Variants in LMTK2 observed in about 807,000 individuals in gnomAD.
LMTK2 encodes lemur tail kinase 2, also known as serine/threonine-protein kinase LMTK2.
Under a neutral mutation model 127.5 loss-of-function variants are expected in LMTK2, and 37 were observed. The ratio of observed to expected loss-of-function variants is 0.29; its 90% CI spans 0.22 to 0.38. The LOEUF (loss-of-function observed/expected upper bound fraction) is 0.38, where lower values mean the gene tolerates loss of function less well. Ranked by LOEUF, LMTK2 falls within the 10% of genes least tolerant of loss-of-function variation. LMTK2 has a pLI of 1.00. For missense variants in LMTK2, 1,694 were observed against 1,920.3 expected, an observed-to-expected ratio of 0.88 and a Z score of 2.20; for synonymous variants, 819 against 810.1, an observed-to-expected ratio of 1.01 and a Z score of -0.19.
At chr7:98,186,819 TTGA>T in intron 8 of LMTK2, 55 bp from the exon 9 acceptor site, 1 of 1,500,158 alleles carries the variant, frequency 6.7e-7, no homozygotes, top group South Asian at 1.2e-5. Context: ...ATTTAAATTC[TTGA>T]ACTCACCAAA....
chr7:98,203,198 C>T (rs1026983812), intron 11 of LMTK2, among the ~76,000 whole-genome samples: 1 of 152,252 alleles, frequency 6.6e-6, no homozygotes, highest in Non-Finnish European at 1.5e-5. Flanking sequence ...TCCTGGAGCA[C>T]TGTGTCCAGG....
At chr7:98,145,528 GGT>G (rs1214570723) in intron 3 of LMTK2, among the ~76,000 whole-genome samples, 1 of 152,006 alleles carries the variant, frequency 6.6e-6, no homozygotes, top group Non-Finnish European at 1.5e-5. Flanking sequence ...TTTTGAGGAT[GGT>G]GTTAGGAGGA....
intron 7 of LMTK2, among the ~76,000 whole-genome samples, chr7:98,183,234 T>C (rs1562917394): frequency 6.6e-6 from 1 of 152,222 alleles, no homozygotes; most frequent in Non-Finnish European, 1.5e-5. Flanking sequence ...GAGAGAATTA[T>C]TTGAGTCTTT....
At chr7:98,179,590 C>T (rs1562916305) in intron 7 of LMTK2, among the ~76,000 whole-genome samples, 2 of 140,692 alleles carry the variant, frequency 1.4e-5, no homozygotes, top group African/African-American at 5.1e-5. Context: ...TCTCTCCCTC[C>T]TTCCCTCTCT....
chr7:98,125,255 A>T (rs1255712863), intron 1 of LMTK2, among the ~76,000 whole-genome samples: 1 of 149,924 alleles, frequency 6.7e-6, no homozygotes, highest in African/African-American at 2.5e-5. Flanking sequence ...GTGAGCCAAG[A>T]TCACGCCGCT....
intron 7 of LMTK2, among the ~76,000 whole-genome samples, chr7:98,181,654 TTTTTTTC>T (rs1246060490): frequency 3.9e-5 from 6 of 152,094 alleles, no homozygotes; most frequent in South Asian, 4.1e-4. Flanking sequence ...GGTCAAATGA[TTTTTTTC>T]TTTTTTCTTT....
In LMTK2 at chr7:98,151,409, A is replaced by G. The variant is rs773995110; in HGVS notation, c.404A>G (p.His135Arg). Residue 135 changes from histidine to arginine, a missense_variant, in exon 4 of 14, where the codon CAC becomes CGC. His to Arg is a conservative substitution (Grantham distance 29, BLOSUM62 0). Transcript: ENST00000297293. The stretch of plus-strand genomic sequence containing the variant: ...GGATTGAAGTCTCAAGTTGCCCGCC[A>G]CAGTCTAAACTACATACAGGAAATT... ...VEGLKSQVAR[H>R]SLNYIQEIGN... 1.5e-5 allele frequency: 24 copies of G among 1,613,694 alleles called. No individual in the cohort carries two copies. The highest frequency in any genetic ancestry group is 2.0e-5 in the Non-Finnish European group (24 of 1,179,742).
At chr7:98,150,252 G>C (rs1054631587) in intron 3 of LMTK2, among the ~76,000 whole-genome samples, 4 of 150,190 alleles carry the variant, frequency 2.7e-5, no homozygotes, top group Non-Finnish European at 5.9e-5. Flanking sequence ...AGGTTGCAGT[G>C]AGCTGAGATC....
chr7:98,156,183 A>G (rs1057466781), intron 5 of LMTK2, among the ~76,000 whole-genome samples: 19 of 152,204 alleles, frequency 1.2e-4, no homozygotes, highest in Non-Finnish European at 2.4e-4. Context: ...AAAAGCTGTA[A>G]TGGCCGGACG....
intron 3 of LMTK2, among the ~76,000 whole-genome samples, chr7:98,150,301 C>G (rs1212236097): frequency 7.5e-6 from 1 of 133,012 alleles, no homozygotes; most frequent in Non-Finnish European, 1.7e-5. Context: ...GAGCGAGACC[C>G]TGTCTCAAAA....
chr7:98,128,307 T>C (rs571953315), intron 1 of LMTK2, among the ~76,000 whole-genome samples: 1 of 152,148 alleles, frequency 6.6e-6, no homozygotes, highest in Non-Finnish European at 1.5e-5. Flanking sequence ...CGTAGTCCAT[T>C]CTCACTGTTG....
In LMTK2 at chr7:98,189,749, G is replaced by A. The variant is rs77676495; in HGVS notation, c.999-979G>A. On this transcript the variant is annotated intron_variant, in intron 9 of 13. Transcript: ENST00000297293. ...GCTGTTTCCATGGGGACAGAGCACCGCAGTGTGAGAGAGGATTGGGCTGGG... is the reference window on the plus strand; with the variant it reads ...GCTGTTTCCATGGGGACAGAGCACCACAGTGTGAGAGAGGATTGGGCTGGG... Among the ~76,000 whole-genome samples the A allele has an allele frequency of 7.9e-4, 121 of 152,308 alleles. 2 individuals carry two copies. The East Asian group carries it at 9.9e-3, about 12-fold the overall frequency.
chr7:98,114,330 C>T (rs997377876), intron 1 of LMTK2, among the ~76,000 whole-genome samples: 2 of 149,084 alleles, frequency 1.3e-5, no homozygotes, highest in African/African-American at 4.9e-5. Flanking sequence ...GTCTCTACTT[C>T]TTGGGCTAAA....
intron 6 of LMTK2, among the ~76,000 whole-genome samples, chr7:98,168,040 C>T (rs1003857619): frequency 2.6e-5 from 4 of 152,082 alleles, no homozygotes; most frequent in Non-Finnish European, 5.9e-5. Flanking sequence ...ATAGGCCTGG[C>T]GAGAGCAGCT....
intron 7 of LMTK2, among the ~76,000 whole-genome samples, chr7:98,180,344 T>C (rs987309155): frequency 5.2e-4 from 79 of 152,258 alleles, no homozygotes; most frequent in African/African-American, 1.8e-3. Context: ...CTTTGATATC[T>C]TCAGTTTACA....
intron 1 of LMTK2, among the ~76,000 whole-genome samples, chr7:98,135,458 C>T (rs546649879): frequency 6.6e-5 from 10 of 151,988 alleles, no homozygotes; most frequent in Non-Finnish European, 1.3e-4. Flanking sequence ...ACTTCAGGCA[C>T]GTGTCACCAC....
chr7:98,171,496 A>T lies in LMTK2; in HGVS notation c.658-45A>T. Reference sequence around the variant, plus strand: ...AGGCACGTATTTAAGCGCTCACTTTATTCCTGTGGCTCGTTTGGAAACTCA... The same window carrying T: ...AGGCACGTATTTAAGCGCTCACTTTTTTCCTGTGGCTCGTTTGGAAACTCA... On this transcript the variant is annotated intron_variant, in intron 6 of 13. Coordinates refer to ENST00000297293, the MANE Select transcript of LMTK2 (RefSeq NM_014916.4). The surrounding 1 kb of genome is among the most constrained non-coding windows in gnomAD (Gnocchi z 5.1). The T allele has an allele frequency of 6.2e-7, 1 of 1,613,986 alleles. No homozygotes were observed. The highest frequency in any genetic ancestry group is 8.5e-7 in the Non-Finnish European group (1 of 1,179,912).
rs551699291 is a variant in LMTK2 at position 98,132,149 on chromosome 7, G to A, written c.104-5166G>A. 3.9e-5 allele frequency among the ~76,000 whole-genome samples: 6 copies of A among 152,290 alleles called. No individual in the cohort carries two copies. In the South Asian group the frequency reaches 1.2e-3, roughly 32 times the overall value. On this transcript the variant is annotated intron_variant, in intron 1 of 13. Transcript: ENST00000297293. Reference sequence around the variant, plus strand: ...GAGTGTCAATCAGAACAACCACAACGGATGGAAGCCTGTGGGTGCTTTAAA... The same window carrying A: ...GAGTGTCAATCAGAACAACCACAACAGATGGAAGCCTGTGGGTGCTTTAAA...
intron 1 of LMTK2, among the ~76,000 whole-genome samples, chr7:98,122,439 T>C (rs939863759): frequency 1.3e-5 from 2 of 152,170 alleles, no homozygotes; most frequent in African/African-American, 2.4e-5. Flanking sequence ...ATATTTTGTA[T>C]ATCCTTTCAA....
Sources: gnomAD v4.1 joint callset for allele counts (sites outside exome capture counted in the v4.1 genomes callset) on GRCh38, gnomAD v4.1.1 for gene constraint, Gnocchi (gnomAD v3.1) non-coding constraint, MANE v1.5 for transcripts, NCBI Gene and HGNC (gene_info 2026-07-23, HGNC 2026-07-21) for gene names.